DRC7: variants seen among roughly 807,000 people sequenced by gnomAD.
DRC7 encodes dynein regulatory complex subunit 7.
In DRC7, 80 loss-of-function variants were observed where a neutral mutation model predicts 104.4. The ratio of observed to expected loss-of-function variants is 0.77; its 90% CI spans 0.64 to 0.92. The LOEUF is 0.92. DRC7 is among the 40% of genes least tolerant of loss of function. The pLI is 0.00. For synonymous variants in DRC7, 405 were observed against 447.3 expected (o/e 0.91, Z 1.19); for missense variants, 1,034 against 1,141.1 (o/e 0.91, Z 1.35).
chr16:57,718,318 A>G, intron 8 of DRC7, 29 bp from the exon 9 acceptor site: 1 of 1,611,084 alleles, frequency 6.2e-7, no homozygotes, highest in Non-Finnish European at 8.5e-7. Flanking sequence ...TGTGGGGTAC[A>G]CTCAGTTGAC....
intron 8 of DRC7, among the ~76,000 whole-genome samples, chr16:57,712,836 G>C (rs1160819232): frequency 3.3e-5 from 5 of 152,002 alleles, no homozygotes; most frequent in Admixed American, 6.6e-5. Context: ...AGCTAAGCCT[G>C]TTCTTTTCTA....
intron 13 of DRC7, among the ~76,000 whole-genome samples, chr16:57,725,202 C>T (rs2048949112): frequency 6.6e-6 from 1 of 151,978 alleles, no homozygotes; most frequent in Non-Finnish European, 1.5e-5. Context: ...ATCAGGGCAG[C>T]AGGAGAGAGA....
chr16:57,703,172 C>T (rs1418967273), intron 6 of DRC7, among the ~76,000 whole-genome samples: 1 of 148,220 alleles, frequency 6.7e-6, no homozygotes, highest in African/African-American at 2.5e-5. Flanking sequence ...AGCCACCGTG[C>T]CTGGCCCTCA....
intron 6 of DRC7, 45 bp downstream of exon 6, chr16:57,702,175 T>C: frequency 6.3e-7 from 1 of 1,596,946 alleles, no homozygotes. Context: ...AGGATGAACA[T>C]TCCCGGTGCT....
chr16:57,706,549 C>CCCATCCAT (rs2048731654), intron 7 of DRC7, among the ~76,000 whole-genome samples: 1 of 123,152 alleles, frequency 8.1e-6, no homozygotes, highest in African/African-American at 3.0e-5. Context: ...CACCCATCCT[C>CCCATCCAT]CCATCCTCCC....
At chr16:57,713,135 T>G (rs1195242161) in intron 8 of DRC7, among the ~76,000 whole-genome samples, 2 of 152,228 alleles carry the variant, frequency 1.3e-5, no homozygotes, top group African/African-American at 4.8e-5. Context: ...GACCATAATA[T>G]GGTCTGTCTA....
chr16:57,722,992 G>A lies in DRC7; in HGVS notation c.1409-10G>A, dbSNP rs764358773. On this transcript the variant is annotated splice_polypyrimidine_tract_variant and intron_variant, in intron 11 of 18. Coordinates refer to ENST00000360716, the MANE Select transcript of DRC7 (RefSeq NM_001289162.2). The stretch of plus-strand genomic sequence containing the variant: ...GGCCTGGCTGCGGCAAGTGTCCATC[G>A]GCCCCACAGGTACCAATATTTTGGA... The A allele has an allele frequency of 9.3e-6, 15 of 1,613,542 alleles. No homozygotes were observed. The highest frequency in any genetic ancestry group is 2.7e-5 in the African/African-American group (2 of 74,868).
chr16:57,698,869 A>G lies in DRC7; in HGVS notation c.223A>G (p.Ile75Val), dbSNP rs777183780. The G allele has an allele frequency of 1.9e-6, 3 of 1,614,018 alleles. No homozygotes were observed. The highest frequency in any genetic ancestry group is 1.1e-5 in the South Asian group (1 of 91,072). ...GCACAGGGCCTTTACCAAGGACACT[A>G]TTGACATCTCCAAGCTGCCCATTTC... is the stretch of plus-strand genomic sequence containing the variant. ...AELPAFTKDT[I>V]DISKLPISYK... is the part of the protein sequence containing the mutation. The change falls in exon 4 of 19, where the codon ATT (isoleucine) becomes GTT (valine). Residue 75 changes from isoleucine (I) to valine (V), a missense_variant. Transcript: ENST00000360716.
chr16:57,718,179 T>A (rs1283288078), intron 8 of DRC7, among the ~76,000 whole-genome samples, 168 bp from the exon 9 acceptor site: 1 of 151,822 alleles, frequency 6.6e-6, no homozygotes, highest in African/African-American at 2.4e-5. Flanking sequence ...GGATGAGGAG[T>A]GTGGGCATGG....
intron 14 of DRC7, 111 bp from the exon 15 acceptor site, chr16:57,726,721 C>T: frequency 1.6e-6 from 1 of 642,106 alleles, no homozygotes; most frequent in South Asian, 1.8e-5. Context: ...GGTTTAGCAA[C>T]TTGCTCGAGG....
intron 7 of DRC7, among the ~76,000 whole-genome samples, chr16:57,705,808 C>CCTCTCA (rs2048714648): frequency 2.9e-5 from 1 of 34,628 alleles, no homozygotes. Context: ...CCTCCCATTT[C>CCTCTCA]TCCTCCCATC....
intron 8 of DRC7, among the ~76,000 whole-genome samples, chr16:57,716,499 T>C (rs1365087093): frequency 7.9e-6 from 1 of 125,936 alleles, no homozygotes; most frequent in African/African-American, 3.2e-5. Flanking sequence ...CAAGACTCCA[T>C]CTGAAAAAAA....
intron 1 of DRC7, among the ~76,000 whole-genome samples, chr16:57,695,301 G>A (rs74022031): frequency 0.065 from 9,791 of 150,564 alleles, 576 homozygotes; most frequent in African/African-American, 0.15. Flanking sequence ...AGACACACAG[G>A]TTTCACAACC....
intron 12 of DRC7, among the ~76,000 whole-genome samples, 161 bp from the exon 13 acceptor site, chr16:57,724,454 C>T (rs546326183): frequency 1.3e-3 from 199 of 152,070 alleles, no homozygotes; most frequent in African/African-American, 4.7e-3. Flanking sequence ...AAAAGTTGTA[C>T]GCAACCTAAA....
Position 57,701,947 on chromosome 16 carries a change from G to A in DRC7, c.516G>A (p.Leu172=), listed in dbSNP as rs1188406181. The change falls in exon 6 of 19, where the codon CTG becomes CTA. Residue 172 remains leucine, a synonymous_variant. Transcript: ENST00000360716. ...CCCACTGTGACCAGCCCTCGCACCTGTACTCCTCGACCACTGTGCTCAAGT... is the reference window on the plus strand; with the variant it reads ...CCCACTGTGACCAGCCCTCGCACCTATACTCCTCGACCACTGTGCTCAAGT... ...LPDPLKPPSH[L]YSSTTVLKYQ... 1 of 1,613,906 alleles carries A rather than the reference G, an allele frequency of 6.2e-7. No individual in the cohort carries two copies. The highest frequency in any genetic ancestry group is 8.5e-7 in the Non-Finnish European group (1 of 1,179,998).
intron 2 of DRC7, among the ~76,000 whole-genome samples, chr16:57,697,422 G>C (rs1403019201): frequency 6.6e-6 from 1 of 151,390 alleles, no homozygotes; most frequent in East Asian, 2.0e-4. Context: ...AAAAAAAATA[G>C]CCAGGTGTGG....
At chr16:57,696,781 G>A (rs1454561068) in intron 2 of DRC7, among the ~76,000 whole-genome samples, 187 bp downstream of exon 2, 2 of 152,228 alleles carry the variant, frequency 1.3e-5, no homozygotes, top group East Asian at 1.9e-4. Context: ...ATGCCCTGGT[G>A]CAGGCACCTT....
chr16:57,718,753 A>G (rs1214355761), intron 9 of DRC7, among the ~76,000 whole-genome samples: 3 of 152,166 alleles, frequency 2.0e-5, no homozygotes. Flanking sequence ...CACCTTGTTC[A>G]GGAGTTGCCC....
intron 18 of DRC7, 23 bp from the exon 19 acceptor site, chr16:57,731,142 T>C (rs886782842): frequency 6.2e-7 from 1 of 1,613,636 alleles, no homozygotes; most frequent in Non-Finnish European, 8.5e-7. Context: ...CCTCACCCTC[T>C]TTCCTTGCCT....
Sources: allele counts gnomAD v4.1 joint callset (sites outside exome capture counted in the v4.1 genomes callset), GRCh38; gene constraint gnomAD v4.1.1; transcripts MANE v1.5; gene names NCBI Gene and HGNC (gene_info 2026-07-23, HGNC 2026-07-21).